EPHB4: variants seen among roughly 807,000 people sequenced by gnomAD.
EPHB4 encodes the protein ephrin type-B receptor 4.
Under a neutral mutation model 110.6 loss-of-function variants are expected in EPHB4, and 50 were observed. The ratio of observed to expected loss-of-function variants is 0.45; its 90% CI spans 0.36 to 0.57. The LOEUF is 0.57. Ranked by LOEUF, EPHB4 falls within the 20% of genes least tolerant of loss-of-function variation. The pLI, the probability that EPHB4 is intolerant of heterozygous loss-of-function variation, is 0.00. For missense variants in EPHB4, 1,128 were observed against 1,382.1 expected (o/e 0.82, Z 2.91); for synonymous variants, 592 against 578.4 (o/e 1.02, Z -0.34).
In EPHB4 at chr7:100,826,968, A is replaced by G; in HGVS notation, c.52+11T>C. 2 of 1,521,362 alleles carry G rather than the reference A, an allele frequency of 1.3e-6. No homozygotes were observed. The highest frequency in any genetic ancestry group is 1.2e-5 in the South Asian group (1 of 83,902). 94.2% of individuals were successfully genotyped at this position (1,521,362 alleles called of 1,614,324 possible). A position where few individuals can be genotyped will look rare whatever the true frequency, so the allele number is the denominator to read the frequency against. On this transcript the variant is annotated intron_variant, in intron 1 of 16. Coordinates refer to ENST00000358173, the MANE Select transcript of EPHB4 (RefSeq NM_004444.5). ...GTGACGGGGTGCGCCCCCCCCCGCA[A>G]GGAAACTCACCTTCCAAAGCTGCGG... is the stretch of plus-strand genomic sequence containing the variant.
At position 100,817,240 on chromosome 7, in the gene EPHB4, C is replaced by A; in HGVS notation, c.1540G>T (p.Gly514Cys). Residue 514 changes from glycine (G) to cysteine (C), a missense_variant, in exon 8 of 17, where the codon GGC (glycine) becomes TGC (cysteine). Gly to Cys is a radical substitution (Grantham distance 159). Around this residue, in one of 3 missense-constraint regions of EPHB4, gnomAD observed 728 missense variants for 828.6 expected, o/e 0.88. Coordinates refer to ENST00000358173, the MANE Select transcript of EPHB4 (RefSeq NM_004444.5). The part of the protein sequence containing the change: ...LVQVRARSEA[G>C]YGPFGQEHHS... ...TGTTCCTGGCCGAAGGGCCCGTAGCCGGCCTCAGAGCGCGCCCGTACCTGC... is the reference window on the plus strand; with the variant it reads ...TGTTCCTGGCCGAAGGGCCCGTAGCAGGCCTCAGAGCGCGCCCGTACCTGC... 6.2e-7 allele frequency: 1 copy of A among 1,601,880 alleles called. No individual in the cohort carries two copies.
In EPHB4 at chr7:100,812,733, G is replaced by A. The variant is rs1812965871; in HGVS notation, c.2118+14C>T. ...GAACTCCGGGTGGCCGCAGAAGCCA[G>A]GGAGGGTGCTCACCCGCAGGAAGGA... On this transcript the variant is annotated intron_variant, in intron 12 of 16. Transcript: ENST00000358173. 1.2e-6 allele frequency: 2 copies of A among 1,608,906 alleles called. No homozygotes were observed. Among genetic ancestry groups the A allele is most frequent in the Non-Finnish European group, 1.7e-6 (2 of 1,178,194 alleles).
intron 6 of EPHB4, 57 bp downstream of exon 6, chr7:100,819,500 G>T (rs1165194771): frequency 1.3e-6 from 2 of 1,507,212 alleles, no homozygotes; most frequent in Non-Finnish European, 8.9e-7. Context: ...TCCCCTTCAG[G>T]CCCTCAGTGA....
intron 13 of EPHB4, 97 bp from the exon 14 acceptor site, chr7:100,806,666 T>C: frequency 2.1e-6 from 3 of 1,414,578 alleles, no homozygotes; most frequent in East Asian, 4.8e-5. Context: ...CTCTGCTTTT[T>C]CCCCCTAGCT....
Position 100,811,826 on chromosome 7 carries a change from C to T in EPHB4, c.2118+921G>A, listed in dbSNP as rs548763598. On this transcript the variant is annotated intron_variant, in intron 12 of 16. Transcript: ENST00000358173. ...TCAAGGCTACAGTGAGCTATGAATGCACCACTGCACTCCAGCCTAGAGGAC... is the reference window on the plus strand; with the variant it reads ...TCAAGGCTACAGTGAGCTATGAATGTACCACTGCACTCCAGCCTAGAGGAC... Among the ~76,000 whole-genome samples, 128 of 151,064 alleles carry T rather than the reference C, an allele frequency of 8.5e-4. 2 individuals carry two copies. The highest frequency in any genetic ancestry group is 2.6e-3 in the African/African-American group (107 of 41,126).
intron 12 of EPHB4, 79 bp downstream of exon 12, chr7:100,812,668 T>C: frequency 6.5e-7 from 1 of 1,546,364 alleles, no homozygotes. Flanking sequence ...CCACTGTCTG[T>C]CCTGGCTTCT....
Position 100,806,506 on chromosome 7 carries a change from C to G in EPHB4, c.2398G>C (p.Ala800Pro). ...ATCCCGTAACTCCAGGCATCACTGG[C>G]GGAAGTGAACTTCCGGAAGGCAATG... is the stretch of plus-strand genomic sequence containing the variant. ...EAIAFRKFTS[A>P]SDAWSYGIVM... Residue 800 changes from alanine (A) to proline (P), a missense_variant, in exon 14 of 17, where the codon GCC becomes CCC. This residue lies in a region of EPHB4 where 191 missense variants were observed against 313.0 expected (regional missense o/e 0.61). Coordinates refer to ENST00000358173, the MANE Select transcript of EPHB4 (RefSeq NM_004444.5). 6.2e-7 allele frequency: 1 copy of G among 1,614,058 alleles called. No homozygotes were observed. The highest frequency in any genetic ancestry group is 8.5e-7 in the Non-Finnish European group (1 of 1,180,000).
chr7:100,817,236 T>A lies in EPHB4; in HGVS notation c.1544A>T (p.Tyr515Phe). 1 of 1,601,960 alleles carries A rather than the reference T, an allele frequency of 6.2e-7. No individual in the cohort carries two copies. The highest frequency in any genetic ancestry group is 1.7e-5 in the Admixed American group (1 of 58,722). ...GTGATGTTCCTGGCCGAAGGGCCCG[T>A]AGCCGGCCTCAGAGCGCGCCCGTAC... ...VQVRARSEAGYGPFGQEHHSQ... is the reference protein window; with the variant it reads ...VQVRARSEAGFGPFGQEHHSQ... The change falls in exon 8 of 17, where the codon TAC becomes TTC. Residue 515 changes from tyrosine (Y) to phenylalanine (F), a missense_variant. Tyr to Phe is a conservative substitution (Grantham distance 22, BLOSUM62 3). Transcript: ENST00000358173.
In EPHB4 at chr7:100,819,751, C is replaced by A. The variant is rs1813171252; in HGVS notation, c.1103G>T (p.Gly368Val). The change falls in exon 6 of 17, where the codon GGC becomes GTC. Residue 368 changes from glycine to valine, a missense_variant. By Grantham distance (109) the Gly-to-Val change is moderately radical (BLOSUM62 -3). This residue lies in a region of EPHB4 where 728 missense variants were observed against 828.6 expected (regional missense o/e 0.88). Coordinates refer to ENST00000358173, the MANE Select transcript of EPHB4 (RefSeq NM_004444.5). ...GTCTCCCCCGCAGGGCGCACAGGAG[C>A]CTCCGGGTCGGCACTCCCGGCAGCG... ...ALRCRECRPG[G>V]SCAPCGGDLT... 3 of 1,606,146 alleles carry A rather than the reference C, an allele frequency of 1.9e-6. No individual in the cohort carries two copies. Among genetic ancestry groups the A allele is most frequent in the South Asian group, 1.1e-5 (1 of 90,424 alleles).
rs1261194961 is a variant in EPHB4, at chr7:100,823,530, C to A, written c.411+114G>T. The A allele has an allele frequency of 2.9e-6, 4 of 1,367,828 alleles. No homozygotes were observed. In the East Asian group the frequency reaches 7.3e-5, roughly 25 times the overall value. The allele number at this position is 1,367,828 out of a possible 1,614,324, so 84.7% of individuals were successfully genotyped here. On this transcript the variant is annotated intron_variant, in intron 3 of 16. Coordinates refer to ENST00000358173, the MANE Select transcript of EPHB4 (RefSeq NM_004444.5). ...CCAGACCTAAGCCTCCTGCTTCCAGCCCCCAGCGCGCGGGCCAGAGGCCTC... is the reference window on the plus strand; with the variant it reads ...CCAGACCTAAGCCTCCTGCTTCCAGACCCCAGCGCGCGGGCCAGAGGCCTC...
chr7:100,819,486 C>CCT, intron 6 of EPHB4, 71 bp downstream of exon 6: 1 of 1,488,332 alleles, frequency 6.7e-7, no homozygotes, highest in Non-Finnish European at 9.0e-7. Flanking sequence ...ACAGCCCCTG[C>CCT]CTCTCCCCTT....
In EPHB4 at chr7:100,827,042, ACTCGG is replaced by A; in HGVS notation, c.-17_-13del. The A allele has an allele frequency of 6.3e-7, 1 of 1,576,076 alleles. No homozygotes were observed. The highest frequency in any genetic ancestry group is 1.2e-5 in the South Asian group (1 of 85,918). On this transcript the variant is annotated 5_prime_UTR_variant, in exon 1 of 17. Transcript: ENST00000358173. ...ACCCGGAGCTCCATGGCGCCGCCTC[ACTCGG>A]GTAGGATCCGAACTGAGTTTGGGGG...
chr7:100,824,153 T>A, intron 2 of EPHB4, 50 bp downstream of exon 2: 1 of 1,612,524 alleles, frequency 6.2e-7, no homozygotes, highest in Non-Finnish European at 8.5e-7. Context: ...AGGCGCCCTC[T>A]CCTCCCTCAG....
chr7:100,806,608 TGAGGGACTCACC>T, intron 13 of EPHB4, 39 bp from the exon 14 acceptor site: 4 of 1,592,398 alleles, frequency 2.5e-6, no homozygotes, highest in Non-Finnish European at 3.4e-6. Flanking sequence ...GGGGACTCAC[TGAGGGACTCACC>T]AGACCCAGCA....
chr7:100,826,203 G>T (rs532974280), intron 1 of EPHB4, among the ~76,000 whole-genome samples: 1 of 152,306 alleles, frequency 6.6e-6, no homozygotes, highest in South Asian at 2.1e-4. Context: ...CATGGCCAAA[G>T]AAATGCTTGG....
chr7:100,826,843 T>C, intron 1 of EPHB4, 136 bp downstream of exon 1: 2 of 601,644 alleles, frequency 3.3e-6, no homozygotes, highest in South Asian at 3.4e-5. Flanking sequence ...GTTCCAGCAC[T>C]ATCGGTCCGA....
chr7:100,819,926 G>C, intron 5 of EPHB4, 37 bp from the exon 6 acceptor site: 1 of 1,519,498 alleles, frequency 6.6e-7, no homozygotes, highest in Non-Finnish European at 8.9e-7. Flanking sequence ...AGGCCGACCT[G>C]CTCTGCGGTG....
rs1435711115 is a variant in EPHB4 at position 100,803,474 on chromosome 7, G to C, written c.2951C>G (p.Ala984Gly). ...AGTTCCTGCAGGTCAGTACTGCGGG[G>C]CCGGTCCTCCTGTCCCACCCGGGGT... Reference protein sequence around the residue: ...PGTPGGTGGPAPQY With the variant: ...PGTPGGTGGPGPQY The change falls in exon 17 of 17, where the codon GCC (alanine) becomes GGC (glycine). Residue 984 changes from alanine to glycine, a missense_variant. Physicochemically the swap from Ala to Gly is moderately conservative, Grantham distance 60. Transcript: ENST00000358173. 6.3e-7 allele frequency: 1 copy of C among 1,575,232 alleles called. No homozygotes were observed.
chr7:100,818,749 C>G, intron 6 of EPHB4, 105 bp from the exon 7 acceptor site: 1 of 1,395,332 alleles, frequency 7.2e-7, no homozygotes, highest in Non-Finnish European at 9.5e-7. Flanking sequence ...ATCACCCAGG[C>G]TGGAGTGCAG....
Sources: allele counts gnomAD v4.1 joint callset (sites outside exome capture counted in the v4.1 genomes callset), GRCh38; gene constraint gnomAD v4.1.1; regional missense constraint gnomAD v4.1.1; transcripts MANE v1.5; gene names NCBI Gene and HGNC (gene_info 2026-07-23, HGNC 2026-07-21).